ATXN2: variants seen among roughly 807,000 people sequenced by gnomAD.
ATXN2 encodes the protein ataxin-2.
In ATXN2, 37 loss-of-function variants were observed where a neutral mutation model predicts 138.6. That is an observed-to-expected ratio of 0.27 (90% confidence interval 0.21 to 0.35). The LOEUF (loss-of-function observed/expected upper bound fraction) is 0.35, where lower values mean the gene tolerates loss of function less well. Among genes scored for constraint, ATXN2 ranks in the 10% least tolerant of loss-of-function variants. The pLI, the probability that ATXN2 is intolerant of heterozygous loss-of-function variation, is 1.00. For missense variants in ATXN2, 1,216 were observed against 1,480.3 expected (o/e 0.82, Z 2.93); for synonymous variants, 549 against 543.7 (o/e 1.01, Z -0.13).
chr12:111,492,497 C>G (rs982518454), intron 14 of ATXN2, among the ~76,000 whole-genome samples: 7 of 152,290 alleles, frequency 4.6e-5, no homozygotes, highest in African/African-American at 1.7e-4. Flanking sequence ...GCCTGACCAA[C>G]ATGGTGAAAC....
At chr12:111,564,969 T>C (rs890991631) in intron 1 of ATXN2, 1 of 152,168 alleles carries the variant, frequency 6.6e-6, no homozygotes, top group African/African-American at 2.4e-5. Context: ...GTGATCCTCC[T>C]ACCTCAGCCT....
intron 2 of ATXN2, 28 bp from the exon 3 acceptor site, chr12:111,554,245 T>A: frequency 3.3e-6 from 4 of 1,218,344 alleles, no homozygotes; most frequent in Non-Finnish European, 4.5e-6. Context: ...AAAAAAACTA[T>A]TAGAAATTAG....
intron 8 of ATXN2, among the ~76,000 whole-genome samples, chr12:111,518,770 T>C (rs962209481): frequency 2.0e-5 from 3 of 152,144 alleles, no homozygotes; most frequent in African/African-American, 7.2e-5. Context: ...TGAGATCTCT[T>C]CTCTCACTGG....
At chr12:111,513,160 G>T in intron 11 of ATXN2, 197 bp downstream of exon 11, 1 of 564,752 alleles carries the variant, frequency 1.8e-6, no homozygotes, top group Non-Finnish European at 3.0e-6. Context: ...TTCAGAATGA[G>T]TGTCTGACTT....
chr12:111,582,990 T>G (rs1454471188), intron 1 of ATXN2, among the ~76,000 whole-genome samples: 3 of 82,848 alleles, frequency 3.6e-5, no homozygotes, highest in African/African-American at 1.5e-4. Flanking sequence ...TTTTTTTTTG[T>G]TTGTTTTTTT....
chr12:111,464,776 T>C, intron 20 of ATXN2, 61 bp from the exon 21 acceptor site: 2 of 1,331,914 alleles, frequency 1.5e-6, no homozygotes, highest in South Asian at 1.2e-5. Flanking sequence ...CCAAATTTTC[T>C]GGAAAGGTTG....
In ATXN2 at chr12:111,598,336, G is replaced by T. The variant is rs747731906; in HGVS notation, c.251+448C>A. On this transcript the variant is annotated intron_variant, in intron 1 of 24. Transcript: ENST00000673436. The surrounding 1 kb of genome is among the most constrained non-coding windows in gnomAD (Gnocchi z 4.5). Reference sequence around the variant, plus strand: ...CCCCTCCAGAGATGTCCCCCATGGAGGGGGACATGTTCCGGAAAACGCCAC... The same window carrying T: ...CCCCTCCAGAGATGTCCCCCATGGATGGGGACATGTTCCGGAAAACGCCAC... 78 of 991,562 alleles carry T rather than the reference G, an allele frequency of 7.9e-5. No individual in the cohort carries two copies. Among genetic ancestry groups the T allele is most frequent in the Middle Eastern group, 5.1e-4 (1 of 1,950 alleles). The allele number at this position is 991,562 out of a possible 1,614,324, so 61.4% of individuals were successfully genotyped here.
Position 111,572,026 on chromosome 12 carries a change from AG to A in ATXN2, c.252-16108del, listed in dbSNP as rs57081594. 2.7e-4 allele frequency among the ~76,000 whole-genome samples: 40 copies of A among 148,958 alleles called. 1 individual carries two copies. Among genetic ancestry groups the A allele is most frequent in the African/African-American group, 9.2e-4 (37 of 40,128 alleles). On this transcript the variant is annotated intron_variant, in intron 1 of 24. Coordinates refer to ENST00000673436, the MANE Select transcript of ATXN2 (RefSeq NM_001372574.1). ...GACTCTGTCTCAAAAAAAAAAAAAAAGGGGCTTTTAAAATATGTAAAGAAAA... is the reference window on the plus strand; with the variant it reads ...GACTCTGTCTCAAAAAAAAAAAAAAAGGGCTTTTAAAATATGTAAAGAAAA...
At chr12:111,549,144 C>A (rs940764356) in intron 5 of ATXN2, among the ~76,000 whole-genome samples, 2 of 152,084 alleles carry the variant, frequency 1.3e-5, no homozygotes, top group African/African-American at 2.4e-5. Context: ...AAACCAGGAT[C>A]CCTAGAAGTG....
At chr12:111,497,108 T>A (rs770641602) in intron 14 of ATXN2, among the ~76,000 whole-genome samples, 2 of 152,026 alleles carry the variant, frequency 1.3e-5, no homozygotes, top group South Asian at 4.1e-4. Flanking sequence ...TTGGAAAACC[T>A]TGAAGAAATG....
At chr12:111,546,766 G>A (rs1287230662) in intron 5 of ATXN2, among the ~76,000 whole-genome samples, 1 of 152,192 alleles carries the variant, frequency 6.6e-6, no homozygotes, top group Non-Finnish European at 1.5e-5. Flanking sequence ...AAAAGCGACT[G>A]AAGGCCCTAA....
intron 5 of ATXN2, among the ~76,000 whole-genome samples, chr12:111,539,324 A>T (rs1881362490): frequency 6.7e-6 from 1 of 150,176 alleles, no homozygotes; most frequent in African/African-American, 2.4e-5. Context: ...TCTCTACTTA[A>T]AAAAGAAAAA....
chr12:111,556,310 A>C (rs1882386186), intron 1 of ATXN2, among the ~76,000 whole-genome samples: 1 of 152,128 alleles, frequency 6.6e-6, no homozygotes, highest in South Asian at 2.1e-4. Context: ...CAGGAGTCTG[A>C]GGCTGCAGTA....
At chr12:111,503,687 T>A (rs1291787698) in intron 14 of ATXN2, among the ~76,000 whole-genome samples, 2 of 152,040 alleles carry the variant, frequency 1.3e-5, no homozygotes, top group African/African-American at 4.8e-5. Flanking sequence ...CCTCCTGGAT[T>A]CAAGTGATTC....
intron 5 of ATXN2, among the ~76,000 whole-genome samples, chr12:111,544,050 CTGAG>C (rs982176681): frequency 6.5e-4 from 99 of 151,976 alleles, no homozygotes; most frequent in African/African-American, 2.3e-3. Context: ...GCATTCCAGC[CTGAG>C]TGACAGAGCA....
intron 1 of ATXN2, among the ~76,000 whole-genome samples, chr12:111,561,045 C>T (rs1882656108): frequency 6.6e-6 from 1 of 151,962 alleles, no homozygotes; most frequent in African/African-American, 2.4e-5. Flanking sequence ...ATTAGCCAGG[C>T]GTGGTGGCAG....
At chr12:111,593,122 G>A (rs1451010329) in intron 1 of ATXN2, among the ~76,000 whole-genome samples, 1 of 151,730 alleles carries the variant, frequency 6.6e-6, no homozygotes, top group East Asian at 1.9e-4. Flanking sequence ...TCGCTCTGTT[G>A]CCCAGGCTGG....
chr12:111,473,025 C>T (rs1358947385), intron 18 of ATXN2, among the ~76,000 whole-genome samples: 1 of 152,090 alleles, frequency 6.6e-6, no homozygotes. Flanking sequence ...GTAGTCCCAC[C>T]ACTTTGTGAG....
rs561351024 is a variant in ATXN2 at position 111,528,804 on chromosome 12, G to A, written c.572-3488C>T. ...TCATCAGGATGCTGAGAAAATCCCT[G>A]GCTATAAGTAATGCATTTCAGGCCA... is the stretch of plus-strand genomic sequence containing the variant. On this transcript the variant is annotated intron_variant, in intron 5 of 24. Coordinates refer to ENST00000673436, the MANE Select transcript of ATXN2 (RefSeq NM_001372574.1). Among the ~76,000 whole-genome samples, 71 of 152,204 alleles carry A rather than the reference G, an allele frequency of 4.7e-4. 1 individual carries two copies. In the South Asian group the frequency reaches 0.013, roughly 29 times the overall value.
Sources: allele counts gnomAD v4.1 joint callset (sites outside exome capture counted in the v4.1 genomes callset), GRCh38; gene constraint gnomAD v4.1.1; non-coding constraint Gnocchi (gnomAD v3.1); transcripts MANE v1.5; gene names NCBI Gene and HGNC (gene_info 2026-07-23, HGNC 2026-07-21).